ARHGAP24: variants seen among roughly 807,000 people sequenced by gnomAD.
ARHGAP24 encodes the protein Rho GTPase activating protein 24, also known as rho GTPase-activating protein 24.
In ARHGAP24, 50 loss-of-function variants were observed where a neutral mutation model predicts 76.4. The ratio of observed to expected loss-of-function variants is 0.65; its 90% confidence interval spans 0.52 to 0.83. The LOEUF is 0.83. Among genes scored for constraint, ARHGAP24 ranks in the 40% least tolerant of loss-of-function variants. The pLI, the probability that ARHGAP24 is intolerant of heterozygous loss-of-function variation, is 0.00. For missense variants in ARHGAP24, 930 were observed against 914.2 expected, an observed-to-expected ratio of 1.02 and a Z score of -0.22; for synonymous variants, 345 against 323.3, an observed-to-expected ratio of 1.07 and a Z score of -0.72.
intron 3 of ARHGAP24, among the ~76,000 whole-genome samples, chr4:85,870,986 TAAG>T (rs1417867366): frequency 6.6e-6 from 1 of 152,156 alleles, no homozygotes; most frequent in Non-Finnish European, 1.5e-5. Flanking sequence ...GATGTTGAAA[TAAG>T]AGGAGAAATT....
intron 5 of ARHGAP24, among the ~76,000 whole-genome samples, chr4:85,943,678 C>T (rs1737079311): frequency 6.6e-6 from 1 of 152,134 alleles, no homozygotes; most frequent in Admixed American, 6.5e-5. Flanking sequence ...TCTCATTGTG[C>T]AACTCCCACT....
chr4:85,540,635 C>G (rs1725640065), intron 1 of ARHGAP24, among the ~76,000 whole-genome samples: 2 of 152,110 alleles, frequency 1.3e-5, no homozygotes, highest in Non-Finnish European at 2.9e-5. Context: ...TCACCTTATA[C>G]AAAATATAAA....
At chr4:85,563,828 A>G (rs976297173) in intron 1 of ARHGAP24, among the ~76,000 whole-genome samples, 2 of 152,206 alleles carry the variant, frequency 1.3e-5, no homozygotes, top group African/African-American at 4.8e-5. Context: ...AGAGAGCTGA[A>G]CACATTAAAT....
intron 1 of ARHGAP24, among the ~76,000 whole-genome samples, chr4:85,538,829 A>G (rs919199238): frequency 2.2e-4 from 33 of 152,186 alleles, no homozygotes; most frequent in African/African-American, 7.5e-4. Flanking sequence ...TCTATCAGTC[A>G]TCAATAGCTT....
At position 85,831,577 on chromosome 4, in the gene ARHGAP24, A is replaced by G. The variant is rs539448516; in HGVS notation, c.269-92071A>G. Reference sequence around the variant, plus strand: ...ACTGATAACTTATCAGAACACACCAATGTGTTCAGAGGGATTATTTTGTGG... The same window carrying G: ...ACTGATAACTTATCAGAACACACCAGTGTGTTCAGAGGGATTATTTTGTGG... On this transcript the variant is annotated intron_variant, in intron 3 of 9. Transcript: ENST00000395184. Among the ~76,000 whole-genome samples the G allele has an allele frequency of 3.9e-5, 6 of 152,258 alleles. No homozygotes were observed. In the South Asian group the frequency reaches 6.2e-4, roughly 16 times the overall value.
At chr4:85,693,259 CA>C (rs1280605383) in intron 2 of ARHGAP24, among the ~76,000 whole-genome samples, 14 of 152,154 alleles carry the variant, frequency 9.2e-5, no homozygotes, top group African/African-American at 3.4e-4. Flanking sequence ...CTTGGGGGAG[CA>C]CCCTCCAATC....
At position 85,859,212 on chromosome 4, in the gene ARHGAP24, T is replaced by TACACACACACAC. The variant is rs10645010; in HGVS notation, c.269-64416_269-64405dup. Among the ~76,000 whole-genome samples, 923 of 145,528 alleles carry TACACACACACAC rather than the reference T, an allele frequency of 6.3e-3. 8 individuals carry two copies. Among genetic ancestry groups the TACACACACACAC allele is most frequent in the African/African-American group, 0.016 (638 of 39,520 alleles). On this transcript the variant is annotated intron_variant, in intron 3 of 9. Transcript: ENST00000395184. ...ATACACACATACATAGCCACATGCATACACACACACACACACACACACACA... is the reference window on the plus strand; with the variant it reads ...ATACACACATACATAGCCACATGCATACACACACACACACACACACACACACACACACACACA...
intron 9 of ARHGAP24, among the ~76,000 whole-genome samples, chr4:85,996,153 A>G (rs773795153): frequency 6.6e-5 from 10 of 152,184 alleles, no homozygotes; most frequent in Non-Finnish European, 1.3e-4. Context: ...TCTGTTCCAG[A>G]CGCTGAGGAT....
intron 3 of ARHGAP24, among the ~76,000 whole-genome samples, chr4:85,876,161 CA>C (rs1314411621): frequency 1.3e-5 from 2 of 152,230 alleles, no homozygotes; most frequent in East Asian, 3.9e-4. Flanking sequence ...ACATGCTGTA[CA>C]ATGTATACAC....
Position 85,995,446 on chromosome 4 carries a change from C to T in ARHGAP24, c.1792C>T (p.Gln598Ter). The T allele has an allele frequency of 6.2e-7, 1 of 1,608,152 alleles. No individual in the cohort carries two copies. Among genetic ancestry groups the T allele is most frequent in the Non-Finnish European group, 8.5e-7 (1 of 1,175,922 alleles). Reference sequence around the variant, plus strand: ...GGACCCTGTTTTGGATGGGCCCCCGCAGGACGACCTTTCCCACCCCAGGGA... The same window carrying T: ...GGACCCTGTTTTGGATGGGCCCCCGTAGGACGACCTTTCCCACCCCAGGGA... The part of the protein sequence containing the change: ...FEDPVLDGPP[Q>*]DDLSHPRDYE... Residue 598 changes from glutamine to a stop codon, truncating the protein, a stop_gained, in exon 9 of 10, where the codon CAG becomes TAG. Transcript: ENST00000395184. LOFTEE classifies it high-confidence loss of function.
intron 1 of ARHGAP24, among the ~76,000 whole-genome samples, chr4:85,562,221 C>G (rs569409169): frequency 6.6e-6 from 1 of 152,224 alleles, no homozygotes; most frequent in East Asian, 1.9e-4. Context: ...TGGAAAGAAT[C>G]CATCATATCA....
At chr4:85,479,806 T>TTA (rs1722740785) in intron 1 of ARHGAP24, among the ~76,000 whole-genome samples, 1 of 152,224 alleles carries the variant, frequency 6.6e-6, no homozygotes, top group Non-Finnish European at 1.5e-5. Context: ...ACATATGGGC[T>TTA]TATTTTATTT....
At chr4:85,947,310 T>G (rs1223274006) in intron 5 of ARHGAP24, among the ~76,000 whole-genome samples, 1 of 152,234 alleles carries the variant, frequency 6.6e-6, no homozygotes, top group Non-Finnish European at 1.5e-5. Context: ...ATAGTTTCTT[T>G]TGCTGTGTAG....
intron 1 of ARHGAP24, among the ~76,000 whole-genome samples, chr4:85,530,824 CAG>C (rs1459771201): frequency 6.6e-6 from 1 of 151,894 alleles, no homozygotes; most frequent in African/African-American, 2.4e-5. Context: ...AAAATAAAGA[CAG>C]AGAGTAGGCA....
chr4:85,994,436 A>T (rs558007530), intron 8 of ARHGAP24, 147 bp from the exon 9 acceptor site: 1 of 826,286 alleles, frequency 1.2e-6, no homozygotes, highest in African/African-American at 1.7e-5. Context: ...TTTAGCTTCT[A>T]TTGCTATTAT....
chr4:85,930,958 T>G (rs1027366663), intron 4 of ARHGAP24: 84 of 1,613,852 alleles, frequency 5.2e-5, no homozygotes, highest in Non-Finnish European at 7.0e-5. Flanking sequence ...TTCTGGGGGG[T>G]GCCCGGCTGG....
At chr4:85,550,676 C>T (rs1726096540) in intron 1 of ARHGAP24, among the ~76,000 whole-genome samples, 1 of 151,934 alleles carries the variant, frequency 6.6e-6, no homozygotes, top group Non-Finnish European at 1.5e-5. Flanking sequence ...TCTTCTTATC[C>T]CTGAGCATGG....
intron 1 of ARHGAP24, among the ~76,000 whole-genome samples, chr4:85,522,225 T>C (rs1245274194): frequency 6.6e-6 from 1 of 152,162 alleles, no homozygotes; most frequent in African/African-American, 2.4e-5. Context: ...CTTTGGTTTA[T>C]TCAAGACCAT....
intron 1 of ARHGAP24, among the ~76,000 whole-genome samples, chr4:85,504,339 TG>T (rs1723945139): frequency 6.6e-6 from 1 of 152,166 alleles, no homozygotes; most frequent in Non-Finnish European, 1.5e-5. Context: ...CCATTATTAT[TG>T]TGTGGGAGTC....
Sources: allele counts gnomAD v4.1 joint callset (sites outside exome capture counted in the v4.1 genomes callset), GRCh38; gene constraint gnomAD v4.1.1; transcripts MANE v1.5; gene names NCBI Gene and HGNC (gene_info 2026-07-23, HGNC 2026-07-21).